The following CXCR5 variants were observed in gnomAD, a reference collection of about 807,000 sequenced individuals.
The protein encoded by CXCR5 is C-X-C chemokine receptor type 5.
In CXCR5, 3 loss-of-function variants were observed where a neutral mutation model predicts 5.6. The observed-to-expected ratio is 0.54, with a 90% CI of 0.24 to 1.39. The LOEUF is 1.39. Among genes scored for constraint, CXCR5 ranks in the 40% most tolerant of loss-of-function variants. The probability of loss-of-function intolerance (pLI) is 0.16; values close to 1 mark genes in which losing one functional copy is unlikely to be tolerated. For synonymous variants in CXCR5, 218 were observed against 219.9 expected (o/e 0.99, Z 0.08); for missense variants, 333 against 494.6 (o/e 0.67, Z 3.10).
Position 118,894,030 on chromosome 11 carries a change from C to A in CXCR5, c.486C>A (p.Arg162=), listed in dbSNP as rs1939856155. Residue 162 remains arginine, a synonymous_variant, in exon 2 of 2, where the codon CGC becomes CGA. Coordinates refer to ENST00000292174, the MANE Select transcript of CXCR5 (RefSeq NM_001716.5). The surrounding 1 kb of genome is among the most constrained non-coding windows in gnomAD (Gnocchi z 6.1). ...CCGTCCATGCCTACCGCCACCGCCGCCTCCTCTCCATCCACATCACCTGTG... is the reference window on the plus strand; with the variant it reads ...CCGTCCATGCCTACCGCCACCGCCGACTCCTCTCCATCCACATCACCTGTG... ...VHAVHAYRHR[R]LLSIHITCGT... 1.9e-6 allele frequency: 3 copies of A among 1,613,936 alleles called. No individual in the cohort carries two copies. Among genetic ancestry groups the A allele is most frequent in the Non-Finnish European group, 2.5e-6 (3 of 1,180,030 alleles).
At position 118,891,871 on chromosome 11, in the gene CXCR5, CAA is replaced by C. The variant is rs754547926; in HGVS notation, c.52-1705_52-1704del. ...GGGCAACAAGAGCAAAACTCCCCCT[CAA>C]AAAAAAAAAAAAAAAAAAAGTGAAG... On this transcript the variant is annotated intron_variant, in intron 1 of 1. Transcript: ENST00000292174. 1.0e-3 allele frequency among the ~76,000 whole-genome samples: 35 copies of C among 34,598 alleles called. 1 individual carries two copies. Among genetic ancestry groups the C allele is most frequent in the African/African-American group, 2.1e-3 (24 of 11,510 alleles). The allele number at this position is 34,598 out of a possible 152,430, so 22.7% of individuals were successfully genotyped here.
At chr11:118,888,284 G>A (rs527670903) in intron 1 of CXCR5, among the ~76,000 whole-genome samples, 4 of 152,150 alleles carry the variant, frequency 2.6e-5, no homozygotes, top group Non-Finnish European at 5.9e-5. Flanking sequence ...TGACTGAAAC[G>A]CTACCCCCTC....
Position 118,893,580 on chromosome 11 carries a change from C to G in CXCR5, c.52-16C>G. On this transcript the variant is annotated splice_polypyrimidine_tract_variant and intron_variant, in intron 1 of 1. Coordinates refer to ENST00000292174, the MANE Select transcript of CXCR5 (RefSeq NM_001716.5). This position sits in a 1 kb window ranked among gnomAD's most constrained non-coding sequence, Gnocchi z 5.7. ...GGTCCTTAGGTCCTCACCCTCCCGT[C>G]TCCTTGCCCTTGCAGTTCTGGGAAC... 1 of 1,559,182 alleles carries G rather than the reference C, an allele frequency of 6.4e-7. No homozygotes were observed. Among genetic ancestry groups the G allele is most frequent in the Non-Finnish European group, 8.7e-7 (1 of 1,148,634 alleles).
intron 1 of CXCR5, among the ~76,000 whole-genome samples, chr11:118,890,783 G>A (rs1305198892): frequency 6.6e-6 from 1 of 152,206 alleles, no homozygotes; most frequent in African/African-American, 2.4e-5. Context: ...GTGAAGCACT[G>A]CACAAGTCAA....
At position 118,897,022 on chromosome 11, in the gene CXCR5, G is replaced by A. The variant is rs1939946390; in HGVS notation, c.*2359G>A. The A allele has an allele frequency of 6.5e-6, 1 of 153,008 alleles. No homozygotes were observed. The highest frequency in any genetic ancestry group is 6.5e-5 in the Admixed American group (1 of 15,296). The allele number at this position is 153,008 out of a possible 1,614,324, so 9.5% of individuals were successfully genotyped here. A position where few individuals can be genotyped will look rare whatever the true frequency, so the allele number is the denominator to read the frequency against. ...GGGAGGCAGTGGCTGTGCCTGGGTG[G>A]GCACAGACAGATCTGGTACATGGCC... On this transcript the variant is annotated 3_prime_UTR_variant, in exon 2 of 2. Coordinates refer to ENST00000292174, the MANE Select transcript of CXCR5 (RefSeq NM_001716.5).
Position 118,889,581 on chromosome 11 carries a change from T to C in CXCR5, c.52-4015T>C, listed in dbSNP as rs552051047. On this transcript the variant is annotated intron_variant, in intron 1 of 1. Transcript: ENST00000292174. ...GCCTCTCTCCATAGTTTGGGGGAGA[T>C]TGGGGGAGCTAGAACTCCTATGTGT... Among the ~76,000 whole-genome samples, 7 of 152,148 alleles carry C rather than the reference T, an allele frequency of 4.6e-5. No individual in the cohort carries two copies. The East Asian group carries it at 7.7e-4, about 17-fold the overall frequency.
intron 1 of CXCR5, among the ~76,000 whole-genome samples, chr11:118,891,261 C>T (rs2137657031): frequency 6.6e-6 from 1 of 152,226 alleles, no homozygotes; most frequent in Non-Finnish European, 1.5e-5. Flanking sequence ...CCTAAGCCTC[C>T]CAAAGTGCTG....
At chr11:118,887,591 A>G in intron 1 of CXCR5, 1 of 257,396 alleles carries the variant, frequency 3.9e-6, no homozygotes, top group Non-Finnish European at 6.1e-6. Context: ...TGGGTGCGGC[A>G]AGGGAGATGT....
chr11:118,894,070 G>T lies in CXCR5; in HGVS notation c.526G>T (p.Val176Leu). 6.2e-7 allele frequency: 1 copy of T among 1,614,016 alleles called. No homozygotes were observed. The change falls in exon 2 of 2, where the codon GTG becomes TTG. Residue 176 changes from valine to leucine, a missense_variant. Physicochemically the swap from Val to Leu is conservative, Grantham distance 32 (BLOSUM62 1). Transcript: ENST00000292174. The surrounding 1 kb of genome is among the most constrained non-coding windows in gnomAD (Gnocchi z 6.1). ...CATCACCTGTGGGACCATCTGGCTG[G>T]TGGGCTTCCTCCTTGCCTTGCCAGA... ...IHITCGTIWLVGFLLALPEIL... is the reference protein window; with the variant it reads ...IHITCGTIWLLGFLLALPEIL...
chr11:118,890,979 A>G (rs1392917588), intron 1 of CXCR5, among the ~76,000 whole-genome samples: 1 of 152,190 alleles, frequency 6.6e-6, no homozygotes, highest in Non-Finnish European at 1.5e-5. Context: ...GAGGAGGATC[A>G]CTTGGGCCCA....
intron 1 of CXCR5, chr11:118,887,444 T>C: frequency 1.0e-6 from 1 of 985,420 alleles, no homozygotes; most frequent in South Asian, 4.7e-5. Flanking sequence ...CCCTTAAGCC[T>C]AAAGACTTGC....
intron 1 of CXCR5, among the ~76,000 whole-genome samples, chr11:118,888,933 C>T (rs1351566780): frequency 6.6e-6 from 1 of 152,180 alleles, no homozygotes; most frequent in East Asian, 1.9e-4. Flanking sequence ...GAGCTGAGCT[C>T]CATGCTGGCC....
rs947327029 is a variant in CXCR5, at chr11:118,895,019, G to A, written c.*356G>A. Reference sequence around the variant, plus strand: ...ACTTCTGCCCTTGCCAACGGAGAGCGCCTGCCCCTCCCAGAACACACTCCA... The same window carrying A: ...ACTTCTGCCCTTGCCAACGGAGAGCACCTGCCCCTCCCAGAACACACTCCA... On this transcript the variant is annotated 3_prime_UTR_variant, in exon 2 of 2. Coordinates refer to ENST00000292174, the MANE Select transcript of CXCR5 (RefSeq NM_001716.5). This position sits in a 1 kb window ranked among gnomAD's most constrained non-coding sequence, Gnocchi z 4.2. The A allele has an allele frequency of 3.3e-5, 7 of 213,260 alleles. No individual in the cohort carries two copies. Among genetic ancestry groups the A allele is most frequent in the East Asian group, 2.5e-4 (2 of 8,126 alleles). The allele number at this position is 213,260 out of a possible 1,614,324, so 13.2% of individuals were successfully genotyped here. A position where few individuals can be genotyped will look rare whatever the true frequency, so the allele number is the denominator to read the frequency against.
intron 1 of CXCR5, among the ~76,000 whole-genome samples, chr11:118,890,604 G>T (rs537062400): frequency 6.6e-6 from 1 of 152,056 alleles, no homozygotes; most frequent in Non-Finnish European, 1.5e-5. Context: ...GGGAAAGGCC[G>T]GGGGGTGGTC....
chr11:118,884,406 T>A (rs538924328), intron 1 of CXCR5, among the ~76,000 whole-genome samples: 1 of 152,208 alleles, frequency 6.6e-6, no homozygotes, highest in Non-Finnish European at 1.5e-5. Context: ...AATGAATGCA[T>A]AGCTGTTCGT....
Position 118,894,267 on chromosome 11 carries a change from A to G in CXCR5, c.723A>G (p.Val241=). 8 of 1,614,088 alleles carry G rather than the reference A, an allele frequency of 5.0e-6. No homozygotes were observed. Among genetic ancestry groups the G allele is most frequent in the Non-Finnish European group, 6.8e-6 (8 of 1,180,026 alleles). The change falls in exon 2 of 2, where the codon GTA becomes GTG. Residue 241 remains valine (V), a synonymous_variant. Coordinates refer to ENST00000292174, the MANE Select transcript of CXCR5 (RefSeq NM_001716.5). The surrounding 1 kb of genome is among the most constrained non-coding windows in gnomAD (Gnocchi z 6.1). ...MLVMGWCYVG[V]VHRLRQAQRR... is the part of the protein sequence containing the mutation. ...TGATGGGCTGGTGCTACGTGGGGGT[A>G]GTGCACAGGTTGCGCCAGGCCCAGC... is the stretch of plus-strand genomic sequence containing the variant.
In CXCR5 at chr11:118,893,036, C is replaced by G. The variant is rs1199812519; in HGVS notation, c.52-560C>G. On this transcript the variant is annotated intron_variant, in intron 1 of 1. Transcript: ENST00000292174. This position sits in a 1 kb window ranked among gnomAD's most constrained non-coding sequence, Gnocchi z 5.7. ...TAGGAATAATATTACATACCTTGAG[C>G]GGGTTGTGCATATTGAACCAGATGG... Among the ~76,000 whole-genome samples the G allele has an allele frequency of 6.6e-6, 1 of 152,122 alleles. No homozygotes were observed. Among genetic ancestry groups the G allele is most frequent in the Non-Finnish European group, 1.5e-5 (1 of 68,028 alleles).
chr11:118,886,240 CCTT>C (rs1033619454), intron 1 of CXCR5: 6 of 420,188 alleles, frequency 1.4e-5, no homozygotes, highest in African/African-American at 1.1e-4. Flanking sequence ...CTATTCTCCT[CCTT>C]GTCCTTGCCC....
intron 1 of CXCR5, among the ~76,000 whole-genome samples, chr11:118,891,984 AT>A (rs1392983382): frequency 6.6e-6 from 1 of 152,106 alleles, no homozygotes; most frequent in Non-Finnish European, 1.5e-5. Context: ...TAAACAGAAC[AT>A]TGATGCGATG....
Sources: allele counts gnomAD v4.1 joint callset (sites outside exome capture counted in the v4.1 genomes callset), GRCh38; gene constraint gnomAD v4.1.1; non-coding constraint Gnocchi (gnomAD v3.1); transcripts MANE v1.5; gene names NCBI Gene and HGNC (gene_info 2026-07-23, HGNC 2026-07-21).